APOBEC1: variants seen among roughly 807,000 people sequenced by gnomAD.
The protein encoded by APOBEC1 is apolipoprotein B mRNA editing enzyme catalytic subunit 1, also known as C->U-editing enzyme APOBEC-1.
Under a neutral mutation model 26.3 loss-of-function variants are expected in APOBEC1, and 22 were observed. The ratio of observed to expected loss-of-function variants is 0.84; its 90% CI spans 0.60 to 1.19. The LOEUF (loss-of-function observed/expected upper bound fraction) is 1.19, where lower values mean the gene tolerates loss of function less well. APOBEC1 is among the 50% of genes most tolerant of loss of function. APOBEC1 has a pLI of 0.00. For missense variants in APOBEC1, 253 were observed against 289.0 expected (o/e 0.88, Z 0.90); for synonymous variants, 77 against 95.3 (o/e 0.81, Z 1.12).
chr12:7,664,900 T>TA (rs397850472), intron 1 of APOBEC1, among the ~76,000 whole-genome samples: 26,136 of 135,156 alleles, frequency 0.19, 2,457 homozygotes, highest in African/African-American at 0.25. Flanking sequence ...GGGCGAGTCT[T>TA]AAAAAAAAAA....
At chr12:7,661,312 G>A (rs750861591) in intron 1 of APOBEC1, among the ~76,000 whole-genome samples, 44 of 151,690 alleles carry the variant, frequency 2.9e-4, no homozygotes, top group African/African-American at 8.7e-4. Flanking sequence ...TGGGTACTAT[G>A]TTCACTATCT....
intron 1 of APOBEC1, among the ~76,000 whole-genome samples, chr12:7,665,297 A>T (rs1863877885): frequency 6.6e-6 from 1 of 151,788 alleles, no homozygotes; most frequent in South Asian, 2.1e-4. Flanking sequence ...CTTTTACTTA[A>T]CTTTTTTTTT....
chr12:7,665,732 A>T, intron 1 of APOBEC1, 125 bp downstream of exon 1: 1 of 1,073,478 alleles, frequency 9.3e-7, no homozygotes, highest in Non-Finnish European at 1.4e-6. Context: ...GAAAACACCC[A>T]CAGATGCAAG....
intron 1 of APOBEC1, among the ~76,000 whole-genome samples, chr12:7,659,544 G>A (rs866513930): frequency 2.0e-5 from 3 of 151,632 alleles, no homozygotes; most frequent in African/African-American, 4.8e-5. Flanking sequence ...GCACAGACAC[G>A]CATGCAAAAC....
Position 7,652,590 on chromosome 12 carries a change from G to A in APOBEC1, c.290C>T (p.Ser97Phe). ...FLSWSPCWEC[S>F]QAIREFLSRH... ...ACTCAGAAACTCTCTAATAGCCTGGGAGCATTCCCAGCAGGGACTCCAGGA... is the reference window on the plus strand; with the variant it reads ...ACTCAGAAACTCTCTAATAGCCTGGAAGCATTCCCAGCAGGGACTCCAGGA... The change falls in exon 3 of 5, where the codon TCC becomes TTC. Residue 97 changes from serine to phenylalanine, a missense_variant. Ser to Phe is a radical substitution (Grantham distance 155, BLOSUM62 -2). Coordinates refer to ENST00000229304, the MANE Select transcript of APOBEC1 (RefSeq NM_001644.5). The A allele has an allele frequency of 6.2e-7, 1 of 1,614,194 alleles. No homozygotes were observed.
upstream of APOBEC1, among the ~76,000 whole-genome samples, chr12:7,670,002 A>G (rs117706379): frequency 0.021 from 3,172 of 149,100 alleles, 52 homozygotes; most frequent in South Asian, 0.059. Flanking sequence ...CCCACCCTGG[A>G]GACAAAATTT....
chr12:7,666,934 AGAGTTT>A (rs1863900783), upstream of APOBEC1, among the ~76,000 whole-genome samples: 1 of 147,614 alleles, frequency 6.8e-6, no homozygotes, highest in African/African-American at 2.5e-5. Context: ...TTTTTGAGAC[AGAGTTT>A]CGCTCTTGTC....
intron 1 of APOBEC1, 51 bp downstream of exon 1, chr12:7,665,806 C>CACACACACACACACACA (rs1555095783): frequency 9.8e-6 from 12 of 1,225,030 alleles, no homozygotes; most frequent in African/African-American, 1.6e-5. Context: ...CACACACACA[C>CACACACACACACACACA]CATTCTTGCA....
At chr12:7,661,205 C>CAA (rs35561148) in intron 1 of APOBEC1, among the ~76,000 whole-genome samples, 20 of 89,232 alleles carry the variant, frequency 2.2e-4, no homozygotes, top group African/African-American at 7.0e-4. Flanking sequence ...GACTCCGTCT[C>CAA]AAAAAAAAAA....
At chr12:7,661,709 G>A (rs1181133453) in intron 1 of APOBEC1, among the ~76,000 whole-genome samples, 3 of 152,130 alleles carry the variant, frequency 2.0e-5, no homozygotes, top group Non-Finnish European at 4.4e-5. Flanking sequence ...GACATTTACA[G>A]GGCAGTCCTG....
chr12:7,656,029 T>C (rs1863710522), intron 1 of APOBEC1, among the ~76,000 whole-genome samples: 1 of 152,098 alleles, frequency 6.6e-6, no homozygotes, highest in Admixed American at 6.6e-5. Flanking sequence ...TGGAGGCGTG[T>C]TCTCTCTGTG....
chr12:7,654,198 A>G (rs1435335046), intron 2 of APOBEC1, among the ~76,000 whole-genome samples: 1 of 152,236 alleles, frequency 6.6e-6, no homozygotes, highest in Non-Finnish European at 1.5e-5. Flanking sequence ...TTGTAAGACA[A>G]TAACAGATAA....
chr12:7,653,849 C>T (rs1219991195), intron 2 of APOBEC1, among the ~76,000 whole-genome samples: 1 of 152,160 alleles, frequency 6.6e-6, no homozygotes. Flanking sequence ...TACTTGCTCT[C>T]AGTGGTGTCT....
At chr12:7,666,362 T>C (rs1464505063), upstream of APOBEC1, among the ~76,000 whole-genome samples, 2 of 151,848 alleles carry the variant, frequency 1.3e-5, no homozygotes, top group African/African-American at 4.8e-5. Context: ...GGCACAATCT[T>C]GGCTCACTGC....
intron 1 of APOBEC1, among the ~76,000 whole-genome samples, chr12:7,663,665 G>A (rs1348345091): frequency 6.6e-6 from 1 of 152,126 alleles, no homozygotes; most frequent in Non-Finnish European, 1.5e-5. Flanking sequence ...GAAAGGGACG[G>A]TGAGACATAT....
intron 4 of APOBEC1, 71 bp from the exon 5 acceptor site, chr12:7,649,767 A>C: frequency 2.6e-6 from 3 of 1,148,788 alleles, no homozygotes; most frequent in Non-Finnish European, 3.7e-6. Flanking sequence ...CACCACAAAC[A>C]TTTAAAAATG....
intron 3 of APOBEC1, among the ~76,000 whole-genome samples, chr12:7,651,419 C>T (rs1863638264): frequency 2.6e-5 from 4 of 152,088 alleles, no homozygotes; most frequent in Non-Finnish European, 4.4e-5. Context: ...TCGAGACCAT[C>T]CTGCCTAACA....
chr12:7,664,311 CAT>C (rs2136858042), intron 1 of APOBEC1, among the ~76,000 whole-genome samples: 1 of 152,316 alleles, frequency 6.6e-6, no homozygotes, highest in African/African-American at 2.4e-5. Context: ...AAACCCATCA[CAT>C]GTCAAGTAAA....
intron 1 of APOBEC1, among the ~76,000 whole-genome samples, chr12:7,663,487 G>T (rs1592063713): frequency 1.3e-5 from 2 of 152,248 alleles, no homozygotes; most frequent in East Asian, 3.9e-4. Context: ...GGGGTGGCTG[G>T]CACGTTGGAA....
Sources: allele counts gnomAD v4.1 joint callset (sites outside exome capture counted in the v4.1 genomes callset), GRCh38; gene constraint gnomAD v4.1.1; transcripts MANE v1.5; gene names NCBI Gene and HGNC (gene_info 2026-07-23, HGNC 2026-07-21).